COL13A1: variants seen among roughly 807,000 people sequenced by gnomAD.
COL13A1 encodes the protein collagen type XIII alpha 1 chain.
In COL13A1, 89 loss-of-function variants were observed where a neutral mutation model predicts 130.9. That is an observed-to-expected ratio of 0.68 (90% CI 0.57 to 0.81). The LOEUF is 0.81. Ranked by LOEUF, COL13A1 falls within the 30% of genes least tolerant of loss-of-function variation. COL13A1 has a pLI of 0.00. For synonymous variants in COL13A1, 402 were observed against 341.6 expected, an observed-to-expected ratio of 1.18 and a Z score of -1.95; for missense variants, 879 against 934.6, an observed-to-expected ratio of 0.94 and a Z score of 0.78.
chr10:69,848,120 G>A (rs2133428156), intron 2 of COL13A1, among the ~76,000 whole-genome samples: 1 of 152,340 alleles, frequency 6.6e-6, no homozygotes, highest in South Asian at 2.1e-4. Flanking sequence ...AAGCCACTGG[G>A]ACCAGCTGAG....
At chr10:69,832,836 G>A (rs904023741) in intron 2 of COL13A1, among the ~76,000 whole-genome samples, 5 of 152,226 alleles carry the variant, frequency 3.3e-5, no homozygotes, top group African/African-American at 1.2e-4. Context: ...TAAAGGCTGT[G>A]TTTGTGCCCC....
chr10:69,918,382 G>C (rs768190186), intron 19 of COL13A1, 65 bp downstream of exon 19: 86 of 1,546,696 alleles, frequency 5.6e-5, no homozygotes, highest in Non-Finnish European at 5.4e-5. Context: ...GGGCAGAGCT[G>C]GAAATCTTAG....
rs1055965411 is a variant in COL13A1 at position 69,895,573 on chromosome 10, C to A, written c.681C>A (p.His227Gln). Residue 227 changes from histidine (H) to glutamine (Q), a missense_variant, in exon 13 of 41, where the codon CAC becomes CAA. Transcript: ENST00000645393. ...GEKGQCGEYP[H>Q]RLLPLLNSVR... ...AGGGTCAGTGTGGAGAGTACCCACA[C>A]CGGGTAAGTGAACCCCTAAAATTTA... is the stretch of plus-strand genomic sequence containing the variant. The A allele has an allele frequency of 6.2e-7, 1 of 1,613,976 alleles. No individual in the cohort carries two copies. The highest frequency in any genetic ancestry group is 8.5e-7 in the Non-Finnish European group (1 of 1,179,882).
chr10:69,880,822 G>A (rs764950147), intron 7 of COL13A1, among the ~76,000 whole-genome samples: 18 of 152,228 alleles, frequency 1.2e-4, no homozygotes, highest in East Asian at 1.9e-4. Flanking sequence ...GCTGCAAGGC[G>A]GCCCTGCTGT....
At chr10:69,814,121 A>G (rs1373765322) in intron 1 of COL13A1, among the ~76,000 whole-genome samples, 1 of 152,254 alleles carries the variant, frequency 6.6e-6, no homozygotes, top group African/African-American at 2.4e-5. Context: ...GGCCTCTAGC[A>G]GATGGGATCA....
chr10:69,802,780 A>G, intron 1 of COL13A1, 63 bp downstream of exon 1: 1 of 1,592,274 alleles, frequency 6.3e-7, no homozygotes, highest in Non-Finnish European at 8.6e-7. Flanking sequence ...CAGCCTCCAG[A>G]CTGTTCAGCC....
chr10:69,834,430 G>A lies in COL13A1; in HGVS notation c.364+11992G>A, dbSNP rs376634441. 1.2e-3 allele frequency among the ~76,000 whole-genome samples: 176 copies of A among 152,300 alleles called. 1 individual carries two copies. The highest frequency in any genetic ancestry group is 4.0e-3 in the African/African-American group (166 of 41,568). ...ATTAGCAAGTTCTAGCTACCTACTAGGTGTGGGCCAAGGAGGGGTTGAGGC... is the reference window on the plus strand; with the variant it reads ...ATTAGCAAGTTCTAGCTACCTACTAAGTGTGGGCCAAGGAGGGGTTGAGGC... On this transcript the variant is annotated intron_variant, in intron 2 of 40. Transcript: ENST00000645393.
chr10:69,809,258 G>A (rs1444223678), intron 1 of COL13A1, among the ~76,000 whole-genome samples: 1 of 152,192 alleles, frequency 6.6e-6, no homozygotes, highest in East Asian at 1.9e-4. Context: ...TTGGCTAATG[G>A]CAACTGTAAC....
At chr10:69,847,129 G>A (rs1359278888) in intron 2 of COL13A1, among the ~76,000 whole-genome samples, 1 of 152,072 alleles carries the variant, frequency 6.6e-6, no homozygotes, top group African/African-American at 2.4e-5. Context: ...TACTTTACAG[G>A]GTGCCGGACC....
At chr10:69,924,896 A>G (rs1437239730) in intron 24 of COL13A1, 67 bp from the exon 25 acceptor site, 2 of 1,477,274 alleles carry the variant, frequency 1.4e-6, no homozygotes, top group Non-Finnish European at 1.8e-6. Flanking sequence ...CACATGGCCC[A>G]TCTAGGGACA....
intron 2 of COL13A1, among the ~76,000 whole-genome samples, chr10:69,839,238 G>A (rs1285470837): frequency 6.6e-6 from 1 of 152,168 alleles, no homozygotes; most frequent in Non-Finnish European, 1.5e-5. Flanking sequence ...CAGTGGCACC[G>A]AGCTCTAGTG....
chr10:69,944,255 C>T (rs1290538792), intron 36 of COL13A1, 77 bp downstream of exon 36: 10 of 1,204,066 alleles, frequency 8.3e-6, no homozygotes, highest in Non-Finnish European at 1.2e-5. Context: ...GGGGTCTCAG[C>T]CCTCATGCCT....
intron 21 of COL13A1, among the ~76,000 whole-genome samples, chr10:69,920,432 T>C (rs2064498146): frequency 6.6e-6 from 1 of 152,192 alleles, no homozygotes; most frequent in Non-Finnish European, 1.5e-5. Context: ...GCACTGAATA[T>C]GTCCATCCCA....
chr10:69,926,658 A>G (rs1228506686), intron 26 of COL13A1, among the ~76,000 whole-genome samples: 1 of 151,966 alleles, frequency 6.6e-6, no homozygotes, highest in Non-Finnish European at 1.5e-5. Context: ...ATTTTGCTAT[A>G]TTGTGTCTGT....
At chr10:69,945,827 C>T (rs2068432374) in intron 37 of COL13A1, 103 bp downstream of exon 37, 1 of 1,428,830 alleles carries the variant, frequency 7.0e-7, no homozygotes. Context: ...AATCCCAGCA[C>T]TTTGGGAGGC....
intron 17 of COL13A1, among the ~76,000 whole-genome samples, chr10:69,907,461 G>A (rs950312018): frequency 6.6e-6 from 1 of 152,172 alleles, no homozygotes; most frequent in Non-Finnish European, 1.5e-5. Context: ...GTGGACAGTG[G>A]AAGGGCAGGA....
intron 30 of COL13A1, 118 bp downstream of exon 30, chr10:69,930,670 C>T: frequency 1.6e-6 from 2 of 1,220,066 alleles, no homozygotes; most frequent in Non-Finnish European, 2.2e-6. Flanking sequence ...AAACCTGGGG[C>T]CAGGGCTTAG....
At chr10:69,892,888 C>A (rs1029818826) in intron 10 of COL13A1, among the ~76,000 whole-genome samples, 1 of 152,178 alleles carries the variant, frequency 6.6e-6, no homozygotes, top group African/African-American at 2.4e-5. Context: ...CCTGGGCCAC[C>A]GTTTGGGATG....
chr10:69,806,867 G>T (rs1841719991), intron 1 of COL13A1, among the ~76,000 whole-genome samples: 1 of 152,182 alleles, frequency 6.6e-6, no homozygotes, highest in Non-Finnish European at 1.5e-5. Context: ...AATTAGCCGG[G>T]CATGGTGGTG....
Sources: allele counts gnomAD v4.1 joint callset (sites outside exome capture counted in the v4.1 genomes callset), GRCh38; gene constraint gnomAD v4.1.1; transcripts MANE v1.5; gene names NCBI Gene and HGNC (gene_info 2026-07-23, HGNC 2026-07-21).